DPP6: variants seen among roughly 807,000 people sequenced by gnomAD.
The protein encoded by DPP6 is A-type potassium channel modulatory protein DPP6.
Under a neutral mutation model 122.6 loss-of-function variants are expected in DPP6, and 69 were observed. The ratio of observed to expected loss-of-function variants is 0.56; its 90% CI spans 0.46 to 0.69. The LOEUF (loss-of-function observed/expected upper bound fraction) is 0.69, where lower values mean the gene tolerates loss of function less well. DPP6 is among the 30% of genes least tolerant of loss of function. The pLI is 0.00. For missense variants in DPP6, 928 were observed against 1,116.9 expected, an observed-to-expected ratio of 0.83 and a Z score of 2.41; for synonymous variants, 418 against 433.1, an observed-to-expected ratio of 0.97 and a Z score of 0.43.
chr7:154,235,560 T>C (rs1801159617), intron 1 of DPP6, among the ~76,000 whole-genome samples: 1 of 148,184 alleles, frequency 6.7e-6, no homozygotes, highest in African/African-American at 2.6e-5. Flanking sequence ...AATCAGCACT[T>C]TGTTCCTTTC....
At chr7:154,658,393 A>G (rs1837406902) in intron 6 of DPP6, among the ~76,000 whole-genome samples, 1 of 152,240 alleles carries the variant, frequency 6.6e-6, no homozygotes, top group Non-Finnish European at 1.5e-5. Context: ...AAAGTTTACC[A>G]GGAAGGTAAA....
chr7:153,861,211 A>G, the DPP6 span, among the ~76,000 whole-genome samples: 1 of 152,226 alleles, frequency 6.6e-6, no homozygotes, highest in Non-Finnish European at 1.5e-5. Flanking sequence ...GTAAATAATA[A>G]CAGTTATCAC....
At chr7:154,170,953 A>T (rs1797505650) in intron 1 of DPP6, among the ~76,000 whole-genome samples, 1 of 152,150 alleles carries the variant, frequency 6.6e-6, no homozygotes, top group Admixed American at 6.5e-5. Flanking sequence ...GAATGAAGGG[A>T]GGAGCCACCT....
chr7:154,316,084 A>G (rs576790488), intron 1 of DPP6, among the ~76,000 whole-genome samples: 3 of 152,300 alleles, frequency 2.0e-5, no homozygotes, highest in South Asian at 2.1e-4. Context: ...TGGTTTTACT[A>G]TTTATTCATC....
intron 3 of DPP6, among the ~76,000 whole-genome samples, chr7:154,529,780 A>G (rs1029002610): frequency 6.6e-5 from 10 of 152,262 alleles, no homozygotes; most frequent in Admixed American, 3.9e-4. Context: ...TTCACTGGAT[A>G]GACTTGATAA....
chr7:154,349,318 G>A (rs1273248819), intron 1 of DPP6, among the ~76,000 whole-genome samples: 2 of 152,202 alleles, frequency 1.3e-5, no homozygotes, highest in African/African-American at 2.4e-5. Context: ...TGGGATTACA[G>A]GCGCACGCCA....
At position 154,755,306 on chromosome 7, in the gene DPP6, C is replaced by G. The variant is rs894493660; in HGVS notation, c.884-14111C>G. Among the ~76,000 whole-genome samples, 9 of 152,104 alleles carry G rather than the reference C, an allele frequency of 5.9e-5. No individual in the cohort carries two copies. The East Asian group carries it at 1.7e-3, about 29-fold the overall frequency. The stretch of plus-strand genomic sequence containing the variant: ...AGGATGTTTTGAGACCCGGACATCC[C>G]CAGCAGCCCAGCATGCACAGGCTCA... On this transcript the variant is annotated intron_variant, in intron 8 of 25. Transcript: ENST00000377770. This position sits in a 1 kb window ranked among gnomAD's most constrained non-coding sequence, Gnocchi z 4.7.
chr7:153,864,352 T>C, the DPP6 span, among the ~76,000 whole-genome samples: 1 of 152,054 alleles, frequency 6.6e-6, no homozygotes. Context: ...CAAACTTACG[T>C]TTTAAAAAAT....
At chr7:154,667,718 T>C (rs1334595122) in intron 6 of DPP6, among the ~76,000 whole-genome samples, 2 of 152,112 alleles carry the variant, frequency 1.3e-5, no homozygotes, top group Non-Finnish European at 2.9e-5. Context: ...CAAGACTCCT[T>C]CTCAAAACAA....
At chr7:154,202,815 A>G (rs563958945) in intron 1 of DPP6, among the ~76,000 whole-genome samples, 5 of 152,276 alleles carry the variant, frequency 3.3e-5, no homozygotes, top group African/African-American at 1.2e-4. Flanking sequence ...CAAATAACAA[A>G]GGCATTTTGT....
chr7:154,094,002 C>T (rs2150556388), intron 1 of DPP6: 1 of 152,210 alleles, frequency 6.6e-6, no homozygotes, highest in Non-Finnish European at 1.5e-5. Context: ...TTTTCTGCAG[C>T]AATTTCTAAG....
At chr7:154,804,747 G>C (rs1798586362) in intron 14 of DPP6, among the ~76,000 whole-genome samples, 170 bp from the exon 15 acceptor site, 1 of 152,188 alleles carries the variant, frequency 6.6e-6, no homozygotes, top group South Asian at 2.1e-4. Flanking sequence ...TAGGTGTCTG[G>C]CCACCCCCTG....
chr7:154,611,276 G>T (rs1484698565), intron 5 of DPP6, among the ~76,000 whole-genome samples: 1 of 152,176 alleles, frequency 6.6e-6, no homozygotes, highest in Non-Finnish European at 1.5e-5. Flanking sequence ...GATGTTGCTT[G>T]TTACGTACGA....
chr7:154,513,869 T>C (rs1220844754), intron 3 of DPP6, among the ~76,000 whole-genome samples: 1 of 152,184 alleles, frequency 6.6e-6, no homozygotes, highest in African/African-American at 2.4e-5. Flanking sequence ...AAACACCTAC[T>C]CAAACCCATA....
rs376577560 is a variant in DPP6, at chr7:154,752,222, G to A, written c.884-17195G>A. On this transcript the variant is annotated intron_variant, in intron 8 of 25. Transcript: ENST00000377770. ...AAAGAAAAGGATCCTTAACATTTCA[G>A]TGTGTAAGTACATCAAAGCATAACT... Among the ~76,000 whole-genome samples the A allele has an allele frequency of 1.3e-4, 20 of 152,282 alleles. No homozygotes were observed. The East Asian group carries it at 3.3e-3, about 25-fold the overall frequency.
chr7:154,139,226 G>A (rs1795726558), intron 1 of DPP6, among the ~76,000 whole-genome samples: 2 of 147,142 alleles, frequency 1.4e-5, no homozygotes, highest in Admixed American at 6.8e-5. Context: ...AGCTGGCAGT[G>A]TGGCTCAGTT....
chr7:154,647,599 T>C (rs1836570068), intron 6 of DPP6, among the ~76,000 whole-genome samples: 1 of 152,088 alleles, frequency 6.6e-6, no homozygotes, highest in Admixed American at 6.5e-5. Context: ...CAACCTCACA[T>C]GTGCCCTGGG....
chr7:153,871,787 T>C, the DPP6 span, among the ~76,000 whole-genome samples: 1 of 152,208 alleles, frequency 6.6e-6, no homozygotes, highest in Admixed American at 6.5e-5. Flanking sequence ...TTCGGCCATC[T>C]TGGCTCCACC....
chr7:154,648,868 A>G (rs1336096732), intron 6 of DPP6, among the ~76,000 whole-genome samples: 3 of 151,932 alleles, frequency 2.0e-5, no homozygotes, highest in African/African-American at 7.3e-5. Flanking sequence ...GCAGTGAGCC[A>G]AGATCATGCC....
Sources: allele counts gnomAD v4.1 joint callset (sites outside exome capture counted in the v4.1 genomes callset), GRCh38; gene constraint gnomAD v4.1.1; non-coding constraint Gnocchi (gnomAD v3.1); transcripts MANE v1.5; gene names NCBI Gene and HGNC (gene_info 2026-07-23, HGNC 2026-07-21).